PLCG2: variants seen among roughly 807,000 people sequenced by gnomAD.
The protein encoded by PLCG2 is phospholipase C gamma 2, also known as 1-phosphatidylinositol 4,5-bisphosphate phosphodiesterase gamma-2.
A neutral mutation model predicts 175.6 loss-of-function variants in PLCG2; 69 were observed. That is an observed-to-expected ratio of 0.39 (90% confidence interval 0.32 to 0.48). PLCG2 has a LOEUF of 0.48. Among genes scored for constraint, PLCG2 ranks in the 20% least tolerant of loss-of-function variants. The pLI is 0.91. For missense variants in PLCG2, 1,798 were observed against 1,650.9 expected (o/e 1.09, Z -1.54); for synonymous variants, 827 against 624.0 (o/e 1.33, Z -4.85).
At position 81,889,157 on chromosome 16, in the gene PLCG2, C is replaced by A. The variant is rs751068151; in HGVS notation, c.766-15C>A. On this transcript the variant is annotated splice_polypyrimidine_tract_variant and intron_variant, in intron 9 of 32. Transcript: ENST00000564138. ...TCTCACTTTGCTGATCTCTCGTTCT[C>A]TTTGTCATTTTAAGGAGCATTGGGC... 1 of 1,520,250 alleles carries A rather than the reference C, an allele frequency of 6.6e-7. No individual in the cohort carries two copies. The highest frequency in any genetic ancestry group is 1.2e-5 in the South Asian group (1 of 86,150). 94.2% of individuals were successfully genotyped at this position (1,520,250 alleles called of 1,614,324 possible). A position where few individuals can be genotyped will look rare whatever the true frequency, so the allele number is the denominator to read the frequency against.
At position 81,941,135 on chromosome 16, in the gene PLCG2, A is replaced by G. The variant is rs558087085; in HGVS notation, c.3481+1076A>G. 5.3e-5 allele frequency among the ~76,000 whole-genome samples: 8 copies of G among 152,358 alleles called. No individual in the cohort carries two copies. The East Asian group carries it at 1.5e-3, about 29-fold the overall frequency. On this transcript the variant is annotated intron_variant, in intron 30 of 32. Transcript: ENST00000564138. The stretch of plus-strand genomic sequence containing the variant: ...AATTGGATCTTTTTTGTTTTCAGAC[A>G]TTCCCTCAACTTCCACCTTTTTTTG...
At position 81,850,057 on chromosome 16, in the gene PLCG2, G is replaced by A. The variant is rs190971704; in HGVS notation, c.194-4387G>A. The stretch of plus-strand genomic sequence containing the variant: ...TCTTTAAAAAGTCAAAGGCACAAGA[G>A]AAAACAAAAGTAAACAAGGAGACTC... On this transcript the variant is annotated intron_variant, in intron 2 of 32. Transcript: ENST00000564138. Among the ~76,000 whole-genome samples, 862 of 152,244 alleles carry A rather than the reference G, an allele frequency of 5.7e-3. 11 individuals are homozygous for A. The highest frequency in any genetic ancestry group is 0.02 in the African/African-American group (846 of 41,550).
At chr16:81,840,380 T>C (rs1213298968) in intron 2 of PLCG2, among the ~76,000 whole-genome samples, 1 of 152,142 alleles carries the variant, frequency 6.6e-6, no homozygotes, top group Non-Finnish European at 1.5e-5. Context: ...CCTGGGGGGA[T>C]AGTGTGAGGA....
At chr16:81,833,396 A>G (rs1019970346) in intron 2 of PLCG2, among the ~76,000 whole-genome samples, 2 of 151,420 alleles carry the variant, frequency 1.3e-5, no homozygotes, top group Non-Finnish European at 2.9e-5. Context: ...CTGAGCCAGT[A>G]TTCTGGCCCG....
chr16:81,936,589 C>T (rs1038132697), intron 27 of PLCG2, among the ~76,000 whole-genome samples: 3 of 152,116 alleles, frequency 2.0e-5, no homozygotes, highest in South Asian at 4.1e-4. Context: ...CTTACGCAGG[C>T]TTCGTGATTG....
At position 81,931,534 on chromosome 16, in the gene PLCG2, C is replaced by G. The variant is rs1265145286; in HGVS notation, c.2619C>G (p.Val873=). ...APQGKNQKSF[V]FILEPKQQGD... is the part of the protein sequence containing the mutation. ...AGGGAAAAAACCAGAAGTCCTTTGTCTTCATCCTGGAGCCCAAGCAGCAGG... is the reference window on the plus strand; with the variant it reads ...AGGGAAAAAACCAGAAGTCCTTTGTGTTCATCCTGGAGCCCAAGCAGCAGG... The change falls in exon 25 of 33, where the codon GTC becomes GTG. Residue 873 remains valine, a synonymous_variant. Transcript: ENST00000564138. 6.2e-7 allele frequency: 1 copy of G among 1,614,108 alleles called. No individual in the cohort carries two copies. The highest frequency in any genetic ancestry group is 8.5e-7 in the Non-Finnish European group (1 of 1,179,990).
chr16:81,923,234 T>C (rs1910129080), intron 21 of PLCG2, among the ~76,000 whole-genome samples: 1 of 151,522 alleles, frequency 6.6e-6, no homozygotes, highest in African/African-American at 2.4e-5. Flanking sequence ...CCCTAACTCC[T>C]AACCCCTAAC....
At chr16:81,832,836 T>C (rs1446565335) in intron 2 of PLCG2, among the ~76,000 whole-genome samples, 2 of 152,240 alleles carry the variant, frequency 1.3e-5, no homozygotes, top group African/African-American at 2.4e-5. Context: ...TGGGAGACCC[T>C]GTGGGTGACC....
At position 81,785,888 on chromosome 16, in the gene PLCG2, A is replaced by G. The variant is rs530412276; in HGVS notation, c.-47-55A>G. ...TGGTTCCTGAAGTTCATGCCCTGTTAACTAAACCCCTTTCAGTACTAAAAT... is the reference window on the plus strand; with the variant it reads ...TGGTTCCTGAAGTTCATGCCCTGTTGACTAAACCCCTTTCAGTACTAAAAT... On this transcript the variant is annotated intron_variant, in intron 1 of 32. Coordinates refer to ENST00000564138, the MANE Select transcript of PLCG2 (RefSeq NM_002661.5). The G allele has an allele frequency of 4.8e-5, 53 of 1,105,744 alleles. 1 individual carries two copies. In the African/African-American group the frequency reaches 7.6e-4, roughly 16 times the overall value. The allele number at this position is 1,105,744 out of a possible 1,614,324, so 68.5% of individuals were successfully genotyped here.
At chr16:81,886,442 A>C (rs780928137) in intron 9 of PLCG2, among the ~76,000 whole-genome samples, 28 of 152,240 alleles carry the variant, frequency 1.8e-4, no homozygotes, top group Non-Finnish European at 2.6e-4. Context: ...GGCTGTATGC[A>C]ATGAAAAGAA....
At chr16:81,913,826 C>T (rs1375091787) in intron 19 of PLCG2, among the ~76,000 whole-genome samples, 1 of 152,180 alleles carries the variant, frequency 6.6e-6, no homozygotes, top group Non-Finnish European at 1.5e-5. Context: ...GCCCCCTGGG[C>T]GTTTGGATTT....
chr16:81,806,067 A>G (rs1412268170), intron 2 of PLCG2, among the ~76,000 whole-genome samples: 1 of 152,114 alleles, frequency 6.6e-6, no homozygotes, highest in African/African-American at 2.4e-5. Flanking sequence ...TGTATGCAAT[A>G]TAATTATTAA....
intron 18 of PLCG2, among the ~76,000 whole-genome samples, chr16:81,911,790 CTTTTTT>C (rs35027472): frequency 1.8e-4 from 12 of 67,240 alleles, no homozygotes; most frequent in Admixed American, 4.6e-4. Flanking sequence ...TTTGTATTTC[CTTTTTT>C]TTTTTTTTTT....
intron 16 of PLCG2, 62 bp downstream of exon 16, chr16:81,907,836 C>T (rs1410375408): frequency 8.2e-7 from 1 of 1,222,174 alleles, no homozygotes; most frequent in Non-Finnish European, 1.2e-6. Context: ...ACCAGCCAGT[C>T]CCCGGGACCT....
At chr16:81,760,430 C>G (rs182873113) in intron 2 of PLCG2, among the ~76,000 whole-genome samples, 4 of 152,316 alleles carry the variant, frequency 2.6e-5, no homozygotes, top group African/African-American at 9.6e-5. Flanking sequence ...CTTTTGGACA[C>G]AAGCCTGATG....
At chr16:81,805,303 T>G (rs1911946341) in intron 2 of PLCG2, among the ~76,000 whole-genome samples, 1 of 151,866 alleles carries the variant, frequency 6.6e-6, no homozygotes, top group East Asian at 1.9e-4. Flanking sequence ...ATCGAGACCA[T>G]CCTGACTAAC....
chr16:81,912,740 A>G lies in PLCG2; in HGVS notation c.2054+24A>G, dbSNP rs202193221. The G allele has an allele frequency of 3.1e-4, 487 of 1,577,510 alleles. 2 individuals carry two copies. Among genetic ancestry groups the G allele is most frequent in the Middle Eastern group, 1.7e-4 (1 of 5,894 alleles). On this transcript the variant is annotated intron_variant, in intron 19 of 32. Transcript: ENST00000564138. ...AGGTGGGTGCGAGGGTGGGAGGCAC[A>G]TGCTCTACAGAGGGGCTTGGCAAGG...
At chr16:81,743,139 A>G (rs1909631046) in intron 1 of PLCG2, among the ~76,000 whole-genome samples, 1 of 152,120 alleles carries the variant, frequency 6.6e-6, no homozygotes, top group South Asian at 2.1e-4. Flanking sequence ...TGTCTCTACT[A>G]AAAAAAGAAA....
At chr16:81,892,179 A>C (rs1340020208) in intron 11 of PLCG2, among the ~76,000 whole-genome samples, 1 of 152,236 alleles carries the variant, frequency 6.6e-6, no homozygotes, top group East Asian at 1.9e-4. Context: ...CTAAGGCTGG[A>C]GTGCAGAATC....
Sources: allele counts gnomAD v4.1 joint callset (sites outside exome capture counted in the v4.1 genomes callset), GRCh38; gene constraint gnomAD v4.1.1; transcripts MANE v1.5; gene names NCBI Gene and HGNC (gene_info 2026-07-23, HGNC 2026-07-21).